ZFYVE26: variants seen among roughly 807,000 people sequenced by gnomAD.
ZFYVE26 encodes zinc finger FYVE-type containing 26.
ZFYVE26 carries 181 observed loss-of-function variants against 276.5 expected under a neutral mutation model. The observed-to-expected ratio is 0.65, with a 90% confidence interval of 0.58 to 0.74. The LOEUF is 0.74. ZFYVE26 is among the 30% of genes least tolerant of loss of function. The pLI is 0.00. For synonymous variants in ZFYVE26, 1,129 were observed against 1,203.1 expected, an observed-to-expected ratio of 0.94 and a Z score of 1.27; for missense variants, 2,821 against 3,097.9, an observed-to-expected ratio of 0.91 and a Z score of 2.12.
At chr14:67,766,098 CAG>C in intron 32 of ZFYVE26, 127 bp downstream of exon 32, 1 of 927,318 alleles carries the variant, frequency 1.1e-6, no homozygotes, top group Non-Finnish European at 1.7e-6. Flanking sequence ...CAACATTACA[CAG>C]ATGAAAAATC....
chr14:67,789,483 A>G lies in ZFYVE26; in HGVS notation c.2871T>C (p.Thr957=). ...CTTCCAGAACCTCTCTCAGGGGAGC[A>G]GTGGGCTCCACTAGAGCCGTGCTTA... ...FWISTALVEP[T]APLREVLEDL... The change falls in exon 16 of 42, where the codon ACT becomes ACC. Residue 957 remains threonine (T), a synonymous_variant. Transcript: ENST00000347230. The G allele has an allele frequency of 1.2e-6, 2 of 1,614,194 alleles. No individual in the cohort carries two copies. Among genetic ancestry groups the G allele is most frequent in the Non-Finnish European group, 1.7e-6 (2 of 1,180,040 alleles).
chr14:67,732,176 C>T (rs148620635), intron 13 of ZFYVE26, among the ~76,000 whole-genome samples: 1 of 150,300 alleles, frequency 6.7e-6, no homozygotes, highest in Non-Finnish European at 1.5e-5. Flanking sequence ...GCGGCTCATG[C>T]CTGTAGTCCC....
intron 35 of ZFYVE26, among the ~76,000 whole-genome samples, chr14:67,758,130 G>T (rs2038836256): frequency 6.6e-6 from 1 of 152,166 alleles, no homozygotes; most frequent in African/African-American, 2.4e-5. Flanking sequence ...AGTCAAGGAT[G>T]GCTATAAAGT....
intron 13 of ZFYVE26, among the ~76,000 whole-genome samples, chr14:67,731,589 T>G (rs925361357): frequency 2.0e-5 from 3 of 152,002 alleles, no homozygotes; most frequent in African/African-American, 7.2e-5. Flanking sequence ...AAATATGTAA[T>G]AAAATATACA....
rs148324418 is a variant in ZFYVE26 at position 67,755,000 on chromosome 14, T to A, written c.6986+51A>T. 5 of 1,600,920 alleles carry A rather than the reference T, an allele frequency of 3.1e-6. No individual in the cohort carries two copies. The African/African-American group carries it at 4.0e-5, about 13-fold the overall frequency. On this transcript the variant is annotated intron_variant, in intron 37 of 41. Transcript: ENST00000347230. ...AGTAGCTTCATCACCTACAGACAAC[T>A]GCTCCCACCCTTTCTGCCCCACACC...
chr14:67,783,857 A>T (rs2140224676), intron 20 of ZFYVE26, among the ~76,000 whole-genome samples: 1 of 152,374 alleles, frequency 6.6e-6, no homozygotes, highest in East Asian at 1.9e-4. Flanking sequence ...TATATACAAG[A>T]TTGCAATGAA....
chr14:67,733,622 G>C (rs758764802), intron 13 of ZFYVE26: 71 of 667,528 alleles, frequency 1.1e-4, no homozygotes, highest in Non-Finnish European at 1.7e-4. Flanking sequence ...TGTATAATTA[G>C]TTTCTTTGAG....
At chr14:67,809,560 T>C (rs1479428183) in intron 3 of ZFYVE26, among the ~76,000 whole-genome samples, 5 of 148,650 alleles carry the variant, frequency 3.4e-5, no homozygotes, top group African/African-American at 1.2e-4. Context: ...GTAGCTGGGA[T>C]TACAGGTGCG....
rs2040008438 is a variant in ZFYVE26 at position 67,798,498 on chromosome 14, A to T, written c.1764T>A (p.Asp588Glu). ...CAGGCAAGTGAGGCTCTGGGTGAAGATCAGCAGAGGTGATGAGAAGCAATG... is the reference window on the plus strand; with the variant it reads ...CAGGCAAGTGAGGCTCTGGGTGAAGTTCAGCAGAGGTGATGAGAAGCAATG... The part of the protein sequence containing the change: ...IFSLLLITSA[D>E]LHPEPHLPED... The change falls in exon 11 of 42, where the codon GAT becomes GAA. Residue 588 changes from aspartate to glutamate, a missense_variant. By Grantham distance (45) the Asp-to-Glu change is conservative (BLOSUM62 2). Transcript: ENST00000347230. The T allele has an allele frequency of 1.2e-6, 2 of 1,614,070 alleles. No individual in the cohort carries two copies. Among genetic ancestry groups the T allele is most frequent in the African/African-American group, 2.7e-5 (2 of 74,938 alleles).
Position 67,769,709 on chromosome 14 carries a change from G to A in ZFYVE26, c.5506C>T (p.Arg1836Cys), listed in dbSNP as rs776063916. 18 of 1,614,094 alleles carry A rather than the reference G, an allele frequency of 1.1e-5. No individual in the cohort carries two copies. Among genetic ancestry groups the A allele is most frequent in the Non-Finnish European group, 1.3e-5 (15 of 1,180,014 alleles). The change falls in exon 29 of 42, where the codon CGC becomes TGC. Residue 1836 changes from arginine to cysteine, a missense_variant. Arg to Cys is a radical substitution (Grantham distance 180). Coordinates refer to ENST00000347230, the MANE Select transcript of ZFYVE26 (RefSeq NM_015346.4). ...FTMFNRRHHC[R>C]RCGRLVCSSC... ...CTGCACACTAGCCGGCCACAGCGGC[G>A]ACAATGATGACGCCTGTTAAACTGA... is the stretch of plus-strand genomic sequence containing the variant.
chr14:67,786,261 G>GAAAAAAAAAATA, intron 16 of ZFYVE26, 28 bp from the exon 17 acceptor site: 1 of 516,334 alleles, frequency 1.9e-6, no homozygotes, highest in Non-Finnish European at 2.7e-6. Flanking sequence ...AAGAGGGAAT[G>GAAAAAAAAAATA]CAAAAAAAAA....
At chr14:67,780,596 A>G (rs557428387) in intron 22 of ZFYVE26, among the ~76,000 whole-genome samples, 8 of 152,286 alleles carry the variant, frequency 5.3e-5, no homozygotes, top group African/African-American at 1.9e-4. Flanking sequence ...TAGTGAAGAC[A>G]GTGCTCTCAT....
At chr14:67,777,167 T>G (rs372222007) in intron 25 of ZFYVE26, among the ~76,000 whole-genome samples, 1 of 152,366 alleles carries the variant, frequency 6.6e-6, no homozygotes, top group East Asian at 1.9e-4. Context: ...TTTTACTTGA[T>G]CTGGGGTAGA....
Position 67,775,960 on chromosome 14 carries a change from T to G in ZFYVE26, c.5121A>C (p.Gly1707=), listed in dbSNP as rs143981992. The part of the protein sequence containing the change: ...AVQTLQQLLV[G]QEIGFTMDEV... ...CGTCCATAGTGAAGCCAATCTCCTG[T>G]CCAACCAGCAGCTGCTGGAGAGTCT... is the stretch of plus-strand genomic sequence containing the variant. The change falls in exon 26 of 42, where the codon GGA becomes GGC. Residue 1707 remains glycine (G), a synonymous_variant. Coordinates refer to ENST00000347230, the MANE Select transcript of ZFYVE26 (RefSeq NM_015346.4). 733 of 1,614,190 alleles carry G rather than the reference T, an allele frequency of 4.5e-4. 5 individuals are homozygous for G. The African/African-American group carries it at 9.1e-3, about 20-fold the overall frequency.
intron 41 of ZFYVE26, 90 bp from the exon 42 acceptor site, chr14:67,748,729 A>C: frequency 3.7e-6 from 5 of 1,362,754 alleles, no homozygotes; most frequent in Non-Finnish European, 5.1e-6. Flanking sequence ...GGGCAGACAG[A>C]CACCATGTCT....
chr14:67,731,514 C>T (rs2038275412), intron 13 of ZFYVE26, among the ~76,000 whole-genome samples: 1 of 151,868 alleles, frequency 6.6e-6, no homozygotes, highest in South Asian at 2.1e-4. Context: ...TGCGCCTGGT[C>T]TTCCCATCAT....
downstream of ZFYVE26, among the ~76,000 whole-genome samples, chr14:67,745,554 A>G (rs531893234): frequency 6.6e-6 from 1 of 151,956 alleles, no homozygotes; most frequent in Non-Finnish European, 1.5e-5. Context: ...GCCACTGTCC[A>G]TGGCTCAAGT....
At chr14:67,783,556 G>A (rs757582717) in intron 20 of ZFYVE26, 31 bp from the exon 21 acceptor site, 22 of 1,608,034 alleles carry the variant, frequency 1.4e-5, no homozygotes, top group Non-Finnish European at 1.8e-5. Flanking sequence ...AGCATACAAG[G>A]CCTGAATACA....
intron 39 of ZFYVE26, 117 bp downstream of exon 39, chr14:67,753,590 T>TA: frequency 9.1e-7 from 1 of 1,102,014 alleles, no homozygotes; most frequent in Non-Finnish European, 1.3e-6. Context: ...ATTTCATCCC[T>TA]AATGTGCATG....
Sources: gnomAD v4.1 joint callset for allele counts (sites outside exome capture counted in the v4.1 genomes callset) on GRCh38, gnomAD v4.1.1 for gene constraint, MANE v1.5 for transcripts, NCBI Gene and HGNC (gene_info 2026-07-23, HGNC 2026-07-21) for gene names.